Variants in HOXB3 observed in about 807,000 individuals in gnomAD.
HOXB3 encodes the protein homeobox B3.
Under a neutral mutation model 29.2 loss-of-function variants are expected in HOXB3, and 17 were observed. That is an observed-to-expected ratio of 0.58 (90% CI 0.40 to 0.87). The LOEUF (loss-of-function observed/expected upper bound fraction) is 0.87, where lower values mean the gene tolerates loss of function less well. Among genes scored for constraint, HOXB3 ranks in the 40% least tolerant of loss-of-function variants. The pLI is 0.00. For synonymous variants in HOXB3, 317 were observed against 285.9 expected, an observed-to-expected ratio of 1.11 and a Z score of -1.10; for missense variants, 637 against 616.3, an observed-to-expected ratio of 1.03 and a Z score of -0.35.
At chr17:48,577,970 G>C in intron 1 of HOXB3, 1 of 1,312,786 alleles carries the variant, frequency 7.6e-7, no homozygotes, top group Non-Finnish European at 9.7e-7. Flanking sequence ...AGGCGGCGGG[G>C]GGCTGCTGCT....
rs763845981 is a variant in HOXB3 at position 48,555,335 on chromosome 17, GGAGAGAGAGA to G, written c.-159+186_-159+195del. The G allele has an allele frequency of 4.5e-5, 21 of 470,718 alleles. No homozygotes were observed. In the Admixed American group the frequency reaches 6.3e-4, roughly 14 times the overall value. 29.2% of individuals were successfully genotyped at this position (470,718 alleles called of 1,614,324 possible). A position where few individuals can be genotyped will look rare whatever the true frequency, so the allele number is the denominator to read the frequency against. Reference sequence around the variant, plus strand: ...AGGAAGAGAGAGGGGAGAGAGAGAGGGAGAGAGAGAGAGAGAGAGAGAGAGAGAGGGAGGG... The same window carrying G: ...AGGAAGAGAGAGGGGAGAGAGAGAGGGAGAGAGAGAGAGAGAGAGGGAGGG... On this transcript the variant is annotated intron_variant, in intron 3 of 4. Coordinates refer to ENST00000498678, the MANE Select transcript of HOXB3 (RefSeq NM_001384749.1).
chr17:48,576,986 G>A, intron 1 of HOXB3: 1 of 1,608,858 alleles, frequency 6.2e-7, no homozygotes, highest in Non-Finnish European at 8.5e-7. Context: ...CGGTCCGAGA[G>A]CGCTTGGGCT....
In HOXB3 at chr17:48,552,104, G is replaced by C; in HGVS notation, c.371C>G (p.Thr124Ser). The C allele has an allele frequency of 6.2e-7, 1 of 1,613,480 alleles. No homozygotes were observed. Among genetic ancestry groups the C allele is most frequent in the Non-Finnish European group, 8.5e-7 (1 of 1,179,608 alleles). Residue 124 changes from threonine (T) to serine (S), a missense_variant, in exon 4 of 5, where the codon ACC becomes AGC. Thr to Ser is a moderately conservative substitution (Grantham distance 58). Coordinates refer to ENST00000498678, the MANE Select transcript of HOXB3 (RefSeq NM_001384749.1). Reference protein sequence around the residue: ...PPKCGPGTNSTLTKQIFPWMK... With the variant: ...PPKCGPGTNSSLTKQIFPWMK... ...CCAGGGGAATATCTGTTTGGTGAGG[G>C]TGGAGTTGGTGCCGGGACCGCACTT...
At chr17:48,555,972 CACAG>C (rs1267411602) in intron 2 of HOXB3, among the ~76,000 whole-genome samples, 5 of 152,124 alleles carry the variant, frequency 3.3e-5, no homozygotes, top group African/African-American at 4.8e-5. Flanking sequence ...AAAAAAACCA[CACAG>C]ACACACACAC....
rs58220749 is a variant in HOXB3 at position 48,571,130 on chromosome 17, C to T, written c.-247+2707G>A. Among the ~76,000 whole-genome samples the T allele has an allele frequency of 9.1e-3, 1,384 of 152,328 alleles. 16 individuals carry two copies. The highest frequency in any genetic ancestry group is 0.032 in the African/African-American group (1,325 of 41,574). Reference sequence around the variant, plus strand: ...GAATGTCCACGTTCAAATAAACAAGCGCCTGATCGCGAGCCGAGCACTTTC... The same window carrying T: ...GAATGTCCACGTTCAAATAAACAAGTGCCTGATCGCGAGCCGAGCACTTTC... On this transcript the variant is annotated intron_variant, in intron 2 of 4. Transcript: ENST00000498678.
intron 1 of HOXB3, chr17:48,576,407 G>T: frequency 3.9e-6 from 1 of 258,716 alleles, no homozygotes; most frequent in Non-Finnish European, 7.3e-6. Context: ...AGGAGCTGCA[G>T]CCTCCTCCTA....
At chr17:48,580,152 C>G in intron 1 of HOXB3, 1 of 270,628 alleles carries the variant, frequency 3.7e-6, no homozygotes, top group South Asian at 3.4e-5. Flanking sequence ...CGCAAAGGGA[C>G]GAGAACCTTG....
intron 2 of HOXB3, among the ~76,000 whole-genome samples, chr17:48,570,319 T>C (rs1372108963): frequency 2.0e-5 from 3 of 152,026 alleles, no homozygotes; most frequent in Non-Finnish European, 4.4e-5. Flanking sequence ...CAACCCCCCA[T>C]CCAAACTTGA....
chr17:48,573,258 A>G (rs145446133), intron 2 of HOXB3, among the ~76,000 whole-genome samples: 8 of 152,318 alleles, frequency 5.3e-5, no homozygotes, highest in African/African-American at 9.6e-5. Context: ...AGTAGCACAT[A>G]TTTGTCTAGA....
chr17:48,550,705 G>A lies in HOXB3; in HGVS notation c.925C>T (p.Gln309Ter). The change falls in exon 5 of 5, where the codon CAG becomes TAG. Residue 309 changes from glutamine (Q) to a stop codon, truncating the protein, a stop_gained. Coordinates refer to ENST00000498678, the MANE Select transcript of HOXB3 (RefSeq NM_001384749.1). LOFTEE classifies it high-confidence loss of function. ...GCGCCGCAGCCTTTGAGAGGGGGCT[G>A]GTAGTTGGAGGGCAGCGCGTAGGCA... ...QNAYALPSNY[Q>*]PPLKGCGAPQ... 1 of 1,545,190 alleles carries A rather than the reference G, an allele frequency of 6.5e-7. No homozygotes were observed. The highest frequency in any genetic ancestry group is 8.7e-7 in the Non-Finnish European group (1 of 1,145,028).
chr17:48,577,772 C>T (rs1473638623), intron 1 of HOXB3: 19 of 1,183,338 alleles, frequency 1.6e-5, no homozygotes, highest in Non-Finnish European at 1.8e-5. Context: ...ATTGGCTTCC[C>T]CAGCTCAACC....
intron 1 of HOXB3, among the ~76,000 whole-genome samples, chr17:48,584,401 A>C (rs1461191625): frequency 6.6e-6 from 1 of 152,190 alleles, no homozygotes; most frequent in Non-Finnish European, 1.5e-5. Flanking sequence ...CATGGACCCC[A>C]CCTTCCTGAC....
chr17:48,550,269 G>A lies in HOXB3; in HGVS notation c.*65C>T. 6.2e-7 allele frequency: 1 copy of A among 1,601,468 alleles called. No individual in the cohort carries two copies. Among genetic ancestry groups the A allele is most frequent in the Non-Finnish European group, 8.5e-7 (1 of 1,174,442 alleles). On this transcript the variant is annotated 3_prime_UTR_variant, in exon 5 of 5. Coordinates refer to ENST00000498678, the MANE Select transcript of HOXB3 (RefSeq NM_001384749.1). ...GCTCCTCTTTTCAGACCTCCAGGTT[G>A]CCCCCCAGAGCTCCACAGTCTCTCT...
intron 2 of HOXB3, among the ~76,000 whole-genome samples, chr17:48,570,669 G>GT (rs1464979053): frequency 6.6e-6 from 1 of 152,208 alleles, no homozygotes; most frequent in East Asian, 1.9e-4. Flanking sequence ...TCCAGCTACA[G>GT]TGGCAGCTGC....
chr17:48,564,508 C>A (rs991651234), intron 2 of HOXB3, among the ~76,000 whole-genome samples: 1 of 152,186 alleles, frequency 6.6e-6, no homozygotes, highest in Non-Finnish European at 1.5e-5. Flanking sequence ...GCGCGGCAGA[C>A]GCCAGTTTCC....
intron 1 of HOXB3, chr17:48,578,519 G>A (rs2069845690): frequency 1.6e-5 from 10 of 606,722 alleles, no homozygotes; most frequent in Non-Finnish European, 2.7e-5. Context: ...AGCCAAAGAG[G>A]TTTATTTCCC....
chr17:48,550,430 G>T lies in HOXB3; in HGVS notation c.1200C>A (p.Pro400=). 1 of 1,613,992 alleles carries T rather than the reference G, an allele frequency of 6.2e-7. No individual in the cohort carries two copies. The highest frequency in any genetic ancestry group is 8.5e-7 in the Non-Finnish European group (1 of 1,180,006). ...PPMAPSQHHG[P]CEPHPTYTDL... is the part of the protein sequence containing the mutation. ...CTGTGTAGGTGGGGTGGGGTTCGCA[G>T]GGTCCGTGGTGCTGGCTGGGCGCCA... Residue 400 remains proline, a synonymous_variant, in exon 5 of 5, where the codon CCC becomes CCA. Transcript: ENST00000498678.
At chr17:48,553,861 C>T (rs2068861424) in intron 3 of HOXB3, 1 of 152,216 alleles carries the variant, frequency 6.6e-6, no homozygotes, top group Admixed American at 6.5e-5. Context: ...TTTCATAAAA[C>T]CTCCATACTG....
chr17:48,569,906 C>T (rs1290775456), intron 2 of HOXB3, among the ~76,000 whole-genome samples: 3 of 152,098 alleles, frequency 2.0e-5, no homozygotes, highest in African/African-American at 7.2e-5. Flanking sequence ...AAATCAAATG[C>T]GACTGACCGT....
Sources: allele counts gnomAD v4.1 joint callset (sites outside exome capture counted in the v4.1 genomes callset), GRCh38; gene constraint gnomAD v4.1.1; transcripts MANE v1.5; gene names NCBI Gene and HGNC (gene_info 2026-07-23, HGNC 2026-07-21).